FANCC: variants seen among roughly 807,000 people sequenced by gnomAD.
FANCC encodes the protein FA complementation group C.
FANCC carries 55 observed loss-of-function variants against 71.3 expected under a neutral mutation model. That is an observed-to-expected ratio of 0.77 (90% CI 0.62 to 0.97). The LOEUF (loss-of-function observed/expected upper bound fraction) is 0.97. Ranked by LOEUF, FANCC falls within the 50% of genes least tolerant of loss-of-function variation. FANCC has a pLI of 0.00. For synonymous variants in FANCC, 275 were observed against 244.9 expected (o/e 1.12, Z -1.15); for missense variants, 678 against 670.9 (o/e 1.01, Z -0.12).
chr9:95,148,629 G>A (rs966202544), intron 7 of FANCC, among the ~76,000 whole-genome samples: 2 of 152,176 alleles, frequency 1.3e-5, no homozygotes, highest in East Asian at 3.9e-4. Context: ...TTTTGATACT[G>A]CATATGAAAT....
At chr9:95,225,217 C>A (rs1014899970) in intron 4 of FANCC, among the ~76,000 whole-genome samples, 2 of 152,156 alleles carry the variant, frequency 1.3e-5, no homozygotes, top group African/African-American at 4.8e-5. Flanking sequence ...ACGTGTAGTG[C>A]AGACATCCAC....
intron 1 of FANCC, among the ~76,000 whole-genome samples, chr9:95,249,885 A>G (rs111604175): frequency 8.1e-4 from 123 of 152,314 alleles, no homozygotes; most frequent in Non-Finnish European, 1.2e-3. Context: ...CATTTCTTAG[A>G]AAAAAGTAAA....
intron 6 of FANCC, among the ~76,000 whole-genome samples, chr9:95,154,772 C>A (rs1003483658): frequency 2.6e-5 from 4 of 152,154 alleles, no homozygotes; most frequent in Non-Finnish European, 5.9e-5. Context: ...GAAACTTTTT[C>A]TTAAAAATAT....
At chr9:95,280,466 T>A (rs1833317634) in intron 1 of FANCC, among the ~76,000 whole-genome samples, 1 of 152,228 alleles carries the variant, frequency 6.6e-6, no homozygotes, top group Admixed American at 6.5e-5. Context: ...CAATAGTATA[T>A]ACATTTTTCT....
At chr9:95,147,507 ACT>A (rs985608474) in intron 7 of FANCC, among the ~76,000 whole-genome samples, 1 of 152,120 alleles carries the variant, frequency 6.6e-6, no homozygotes, top group Non-Finnish European at 1.5e-5. Context: ...CAAGAGTGAA[ACT>A]CTGTCTCAAA....
chr9:95,177,666 AT>A (rs891741762), intron 4 of FANCC, among the ~76,000 whole-genome samples: 7 of 151,452 alleles, frequency 4.6e-5, no homozygotes, highest in Non-Finnish European at 8.8e-5. Context: ...TAATTTTTTA[AT>A]TTTTTTTTAC....
intron 8 of FANCC, 62 bp from the exon 9 acceptor site, chr9:95,126,643 A>G (rs1389800779): frequency 1.4e-5 from 21 of 1,549,166 alleles, no homozygotes; most frequent in Non-Finnish European, 1.6e-5. Flanking sequence ...GAAACTTGCT[A>G]TTATCAGCCA....
chr9:95,258,306 CCAAATCCAG>C (rs1442838521), intron 1 of FANCC, among the ~76,000 whole-genome samples: 1 of 152,148 alleles, frequency 6.6e-6, no homozygotes, highest in African/African-American at 2.4e-5. Flanking sequence ...TACTGGCAAG[CCAAATCCAG>C]CAACACATCA....
Position 95,247,918 on chromosome 9 carries a change from A to C in FANCC, c.166-402T>G, listed in dbSNP as rs557716713. On this transcript the variant is annotated intron_variant, in intron 2 of 14. Coordinates refer to ENST00000289081, the MANE Select transcript of FANCC (RefSeq NM_000136.3). ...ATCCTGGTTTTTTTATTCTAACATA[A>C]GAGAGGTTACGAACTCAGCTCCAGT... is the stretch of plus-strand genomic sequence containing the variant. 3.3e-5 allele frequency among the ~76,000 whole-genome samples: 5 copies of C among 152,330 alleles called. No homozygotes were observed. In the South Asian group the frequency reaches 1.0e-3, roughly 32 times the overall value.
At chr9:95,290,092 T>C (rs182265818) in intron 1 of FANCC, among the ~76,000 whole-genome samples, 3 of 152,318 alleles carry the variant, frequency 2.0e-5, no homozygotes, top group Admixed American at 2.0e-4. Context: ...TGTGAATCAG[T>C]TAATTCTACC....
At chr9:95,312,540 AG>A (rs138215381) in intron 1 of FANCC, among the ~76,000 whole-genome samples, 1 of 152,134 alleles carries the variant, frequency 6.6e-6, no homozygotes, top group Admixed American at 6.5e-5. Context: ...TCTGTAGAAC[AG>A]GGGTTTTGCT....
At chr9:95,179,712 A>C (rs1826224474) in intron 4 of FANCC, among the ~76,000 whole-genome samples, 1 of 152,246 alleles carries the variant, frequency 6.6e-6, no homozygotes, top group South Asian at 2.1e-4. Context: ...AGGTACAATA[A>C]AGATTATACA....
intron 6 of FANCC, among the ~76,000 whole-genome samples, chr9:95,161,343 T>C (rs1230789671): frequency 6.6e-6 from 1 of 151,792 alleles, no homozygotes; most frequent in East Asian, 1.9e-4. Flanking sequence ...AATATGGGAG[T>C]CCTCTAAGGC....
chr9:95,248,690 GAT>G (rs1387513818), intron 2 of FANCC, among the ~76,000 whole-genome samples: 1 of 151,510 alleles, frequency 6.6e-6, no homozygotes. Context: ...TAATAGTAAA[GAT>G]ACTCAAAATC....
intron 1 of FANCC, among the ~76,000 whole-genome samples, chr9:95,313,344 T>C (rs1835526933): frequency 6.6e-6 from 1 of 152,140 alleles, no homozygotes; most frequent in Admixed American, 6.6e-5. Context: ...GGAGAAAGTA[T>C]GTGGAAGCTG....
chr9:95,159,243 T>C (rs540831782), intron 6 of FANCC, among the ~76,000 whole-genome samples: 3 of 152,348 alleles, frequency 2.0e-5, no homozygotes, highest in Admixed American at 1.3e-4. Context: ...CCAAGTGTTC[T>C]CATTGTTCAA....
At chr9:95,134,475 T>C (rs1038704535) in intron 8 of FANCC, among the ~76,000 whole-genome samples, 1 of 152,080 alleles carries the variant, frequency 6.6e-6, no homozygotes, top group African/African-American at 2.4e-5. Context: ...GAACTCACTT[T>C]CTCCACTTGC....
rs1833214509 is a variant in FANCC at position 95,279,014 on chromosome 9, C to T, written c.-78-29645G>A. 2.0e-5 allele frequency among the ~76,000 whole-genome samples: 3 copies of T among 151,128 alleles called. No individual in the cohort carries two copies. The South Asian group carries it at 6.3e-4, about 32-fold the overall frequency. ...TGGCCTGGGCAACAAAAAATCTCTA[C>T]AAAAAAATAAAAAAAATTGGCTGGG... On this transcript the variant is annotated intron_variant, in intron 1 of 14. Transcript: ENST00000289081.
chr9:95,297,706 T>C (rs2136344620), intron 1 of FANCC, among the ~76,000 whole-genome samples: 1 of 152,366 alleles, frequency 6.6e-6, no homozygotes. Flanking sequence ...TGACAACTAT[T>C]ACATGTTTTC....
Sources: allele counts gnomAD v4.1 joint callset (sites outside exome capture counted in the v4.1 genomes callset), GRCh38; gene constraint gnomAD v4.1.1; transcripts MANE v1.5; gene names NCBI Gene and HGNC (gene_info 2026-07-23, HGNC 2026-07-21).